The following FKBP2 variants were observed in gnomAD, a reference collection of about 807,000 sequenced individuals.
FKBP2 encodes peptidyl-prolyl cis-trans isomerase FKBP2.
A neutral mutation model predicts 19.4 loss-of-function variants in FKBP2; 15 were observed. The observed-to-expected ratio is 0.77, with a 90% CI of 0.52 to 1.19. The LOEUF is 1.19. Among genes scored for constraint, FKBP2 ranks in the 50% most tolerant of loss-of-function variants. FKBP2 has a pLI of 0.00. For synonymous variants in FKBP2, 76 were observed against 74.8 expected (o/e 1.02, Z -0.08); for missense variants, 170 against 179.0 (o/e 0.95, Z 0.29).
chr11:64,242,621 G>C (rs1269738319), intron 2 of FKBP2, 63 bp downstream of exon 2: 1 of 1,486,502 alleles, frequency 6.7e-7, no homozygotes, highest in Non-Finnish European at 9.0e-7. Flanking sequence ...AGAGTGCTTG[G>C]GAGTCTGGTT....
intron 1 of FKBP2, among the ~76,000 whole-genome samples, chr11:64,241,433 G>A (rs1016769048): frequency 3.3e-5 from 5 of 151,982 alleles, no homozygotes; most frequent in Non-Finnish European, 5.9e-5. Flanking sequence ...GGGGGACGGA[G>A]CCTGGCTCTT....
At chr11:64,243,810 CACTG>C (rs746061289) in intron 4 of FKBP2, 27 bp from the exon 5 acceptor site, 9 of 1,613,814 alleles carry the variant, frequency 5.6e-6, no homozygotes, top group Middle Eastern at 1.6e-4. Context: ...GCTTGGCCAT[CACTG>C]ACTGTTTCTT....
intron 1 of FKBP2, 21 bp from the exon 2 acceptor site, chr11:64,242,363 G>T (rs756495036): frequency 4.7e-6 from 7 of 1,476,892 alleles, no homozygotes; most frequent in Non-Finnish European, 6.3e-6. Context: ...TCAGTCGGTC[G>T]GTCGGGGTCT....
chr11:64,242,558 G>A lies in FKBP2; in HGVS notation c.171G>A (p.Thr57=), dbSNP rs774658381. The change falls in exon 2 of 6, where the codon ACG becomes ACA. Residue 57 remains threonine (T), a splice_region_variant and synonymous_variant. Transcript: ENST00000309366. The part of the protein sequence containing the change: ...RKGDVLHMHY[T]GKLEDGTEFD... ...GGGATGTCCTGCACATGCACTACAC[G>A]GTGAGTGGGTTGGGCGGGCCTTTTG... 36 of 1,536,486 alleles carry A rather than the reference G, an allele frequency of 2.3e-5. 1 individual carries two copies. In the South Asian group the frequency reaches 4.0e-4, roughly 17 times the overall value.
At chr11:64,243,060 T>TC in intron 2 of FKBP2, 139 bp from the exon 3 acceptor site, 1 of 706,144 alleles carries the variant, frequency 1.4e-6, no homozygotes, top group East Asian at 2.7e-5. Flanking sequence ...CAACAGAGAC[T>TC]CCATCTCAAA....
chr11:64,242,115 G>A (rs2030544111), intron 1 of FKBP2: 1 of 415,876 alleles, frequency 2.4e-6, no homozygotes, highest in African/African-American at 2.1e-5. Context: ...GGAAGGTATG[G>A]GGGTGAGCAA....
chr11:64,242,575 G>A lies in FKBP2; in HGVS notation c.171+17G>A, dbSNP rs2030592500. The A allele has an allele frequency of 3.9e-6, 6 of 1,527,836 alleles. No homozygotes were observed. The highest frequency in any genetic ancestry group is 2.4e-5 in the Admixed American group (1 of 41,040). The allele number at this position is 1,527,836 out of a possible 1,614,324, so 94.6% of individuals were successfully genotyped here. ...CACTACACGGTGAGTGGGTTGGGCG[G>A]GCCTTTTGGGAGTGGGTGGGGCTTC... On this transcript the variant is annotated intron_variant, in intron 2 of 5. Coordinates refer to ENST00000309366, the MANE Select transcript of FKBP2 (RefSeq NM_004470.4).
At chr11:64,242,038 TA>T in intron 1 of FKBP2, 1 of 195,454 alleles carries the variant, frequency 5.1e-6, no homozygotes, top group Non-Finnish European at 1.0e-5. Flanking sequence ...TGCAGCCAGA[TA>T]GGGTCTGGAC....
rs769757369 is a variant in FKBP2 at position 64,242,417 on chromosome 11, A to G, written c.30A>G (p.Thr10=). MRLSWFRVL[T]VLSICLSAVA... is the part of the protein sequence containing the mutation. ...GGCTGAGCTGGTTCCGGGTCCTGACAGTACTGTCCATCTGCCTGAGCGCCG... is the reference window on the plus strand; with the variant it reads ...GGCTGAGCTGGTTCCGGGTCCTGACGGTACTGTCCATCTGCCTGAGCGCCG... Residue 10 remains threonine, a synonymous_variant, in exon 2 of 6, where the codon ACA becomes ACG. Transcript: ENST00000309366. 5 of 1,553,792 alleles carry G rather than the reference A, an allele frequency of 3.2e-6. No homozygotes were observed. In the South Asian group the frequency reaches 5.9e-5, roughly 18 times the overall value.
At chr11:64,243,061 C>G in intron 2 of FKBP2, 138 bp from the exon 3 acceptor site, 1 of 715,200 alleles carries the variant, frequency 1.4e-6, no homozygotes. Context: ...AACAGAGACT[C>G]CATCTCAAAA....
chr11:64,242,530 A>T lies in FKBP2; in HGVS notation c.143A>T (p.Lys48Ile), dbSNP rs1331074592. The change falls in exon 2 of 6, where the codon AAA becomes ATA. Residue 48 changes from lysine to isoleucine, a missense_variant. By Grantham distance (102) the Lys-to-Ile change is moderately radical. Coordinates refer to ENST00000309366, the MANE Select transcript of FKBP2 (RefSeq NM_004470.4). The stretch of plus-strand genomic sequence containing the variant: ...GACCACTGTCCCATCAAATCGCGCA[A>T]AGGGGATGTCCTGCACATGCACTAC... Reference protein sequence around the residue: ...RVDHCPIKSRKGDVLHMHYTG... With the variant: ...RVDHCPIKSRIGDVLHMHYTG... 1 of 1,553,062 alleles carries T rather than the reference A, an allele frequency of 6.4e-7. No homozygotes were observed. The highest frequency in any genetic ancestry group is 2.5e-5 in the East Asian group (1 of 40,306).
Position 64,242,370 on chromosome 11 carries a change from G to A in FKBP2, c.-4-14G>A, listed in dbSNP as rs778517586. The A allele has an allele frequency of 2.0e-6, 3 of 1,501,402 alleles. No homozygotes were observed. The highest frequency in any genetic ancestry group is 2.7e-6 in the Non-Finnish European group (3 of 1,128,490). 93.0% of individuals were successfully genotyped at this position (1,501,402 alleles called of 1,614,324 possible). A position where few individuals can be genotyped will look rare whatever the true frequency, so the allele number is the denominator to read the frequency against. ...CCCCACGTTCAGTCGGTCGGTCGGGGTCTGTGCCCACAGAGACATGAGGCT... is the reference window on the plus strand; with the variant it reads ...CCCCACGTTCAGTCGGTCGGTCGGGATCTGTGCCCACAGAGACATGAGGCT... On this transcript the variant is annotated splice_polypyrimidine_tract_variant and intron_variant, in intron 1 of 5. Coordinates refer to ENST00000309366, the MANE Select transcript of FKBP2 (RefSeq NM_004470.4).
intron 4 of FKBP2, 69 bp downstream of exon 4, chr11:64,243,566 C>T (rs2030695811): frequency 1.3e-6 from 2 of 1,577,504 alleles, no homozygotes; most frequent in Non-Finnish European, 1.7e-6. Context: ...AAAGCTGCTT[C>T]AGCTTTTCAT....
chr11:64,243,569 CT>C, intron 4 of FKBP2, 72 bp downstream of exon 4: 2 of 1,566,996 alleles, frequency 1.3e-6, no homozygotes, highest in Non-Finnish European at 1.8e-6. Context: ...GCTGCTTCAG[CT>C]TTTCATTGGT....
At chr11:64,243,772 ACT>A (rs2030715267) in intron 4 of FKBP2, 67 bp from the exon 5 acceptor site, 1 of 1,590,366 alleles carries the variant, frequency 6.3e-7, no homozygotes. Flanking sequence ...GGGGCGGAAC[ACT>A]CTCCCTTTGC....
rs2030749840 is a variant in FKBP2 at position 64,244,092 on chromosome 11, AC to A, written c.*64del. The A allele has an allele frequency of 1.3e-6, 2 of 1,556,148 alleles. No individual in the cohort carries two copies. The highest frequency in any genetic ancestry group is 1.8e-6 in the Non-Finnish European group (2 of 1,139,644). On this transcript the variant is annotated 3_prime_UTR_variant, in exon 6 of 6. Transcript: ENST00000309366. ...GGGACCAGACTGTTCCAAAAAAAAA[AC>A]AAAAAACAAAAACAAACAAAAAAAC...
chr11:64,242,594 G>A (rs761230017), intron 2 of FKBP2, 36 bp downstream of exon 2: 40 of 1,519,116 alleles, frequency 2.6e-5, no homozygotes, highest in Non-Finnish European at 3.5e-5. Flanking sequence ...GGAGTGGGTG[G>A]GGCTTCCGAG....
chr11:64,243,608 A>G lies in FKBP2; in HGVS notation c.331+111A>G, dbSNP rs1022408365. 18 of 1,387,434 alleles carry G rather than the reference A, an allele frequency of 1.3e-5. No individual in the cohort carries two copies. In the Admixed American group the frequency reaches 2.1e-4, roughly 16 times the overall value. 85.9% of individuals were successfully genotyped at this position (1,387,434 alleles called of 1,614,324 possible). A position where few individuals can be genotyped will look rare whatever the true frequency, so the allele number is the denominator to read the frequency against. On this transcript the variant is annotated intron_variant, in intron 4 of 5. Transcript: ENST00000309366. ...TCACCGTATCCATTCATTACAATAC[A>G]TGCCTCCTCCAAGTTTGGCTGTGTC...
In FKBP2 at chr11:64,242,441, CGTGGCCACG is replaced by C. The variant is rs760236806; in HGVS notation, c.56_64del (p.Val19_Thr21del). Reference sequence around the variant, plus strand: ...CAGTACTGTCCATCTGCCTGAGCGCCGTGGCCACGGCCACGGGGGCCGAGGGCAAAAGGA... The same window carrying C: ...CAGTACTGTCCATCTGCCTGAGCGCCGCCACGGGGGCCGAGGGCAAAAGGA... On this transcript the variant is annotated inframe_deletion, in exon 2 of 6. Coordinates refer to ENST00000309366, the MANE Select transcript of FKBP2 (RefSeq NM_004470.4). The C allele has an allele frequency of 5.8e-6, 9 of 1,550,510 alleles. No individual in the cohort carries two copies. The highest frequency in any genetic ancestry group is 7.8e-6 in the Non-Finnish European group (9 of 1,153,728).
Sources: allele counts gnomAD v4.1 joint callset (sites outside exome capture counted in the v4.1 genomes callset), GRCh38; gene constraint gnomAD v4.1.1; transcripts MANE v1.5; gene names NCBI Gene and HGNC (gene_info 2026-07-23, HGNC 2026-07-21).